Variants in ESRRG observed in about 807,000 individuals in gnomAD.
The protein encoded by ESRRG is estrogen related receptor gamma, also known as estrogen-related receptor gamma.
A neutral mutation model predicts 44.0 loss-of-function variants in ESRRG; 13 were observed. The ratio of observed to expected loss-of-function variants is 0.30; its 90% CI spans 0.19 to 0.47. The LOEUF (loss-of-function observed/expected upper bound fraction) is 0.47. ESRRG is among the 20% of genes least tolerant of loss of function. The pLI is 1.00. For missense variants in ESRRG, 395 were observed against 580.6 expected (o/e 0.68, Z 3.29); for synonymous variants, 215 against 214.6 (o/e 1.00, Z -0.02).
chr1:216,986,011 T>C (rs1437208229), intron 1 of ESRRG, among the ~76,000 whole-genome samples: 3 of 152,220 alleles, frequency 2.0e-5, no homozygotes, highest in Non-Finnish European at 4.4e-5. Flanking sequence ...GTCTAATCTT[T>C]AGGTCCCCTC....
intron 2 of ESRRG, among the ~76,000 whole-genome samples, chr1:216,814,756 A>T (rs957691743): frequency 6.6e-6 from 1 of 152,178 alleles, no homozygotes; most frequent in South Asian, 2.1e-4. Context: ...GAGCCCGTTT[A>T]AATGTCGGTG....
At chr1:216,539,200 A>G (rs1287589901) in intron 5 of ESRRG, among the ~76,000 whole-genome samples, 11 of 151,592 alleles carry the variant, frequency 7.3e-5, no homozygotes, top group Non-Finnish European at 1.5e-5. Context: ...GAGATTTTAT[A>G]TATATATATA....
At chr1:216,824,213 G>A (rs192736565) in intron 2 of ESRRG, among the ~76,000 whole-genome samples, 18 of 152,184 alleles carry the variant, frequency 1.2e-4, no homozygotes, top group East Asian at 1.9e-4. Context: ...TTGAGAGGCC[G>A]AGGCAGGCAG....
chr1:216,554,491 C>A (rs2057112275), intron 5 of ESRRG, among the ~76,000 whole-genome samples: 1 of 151,114 alleles, frequency 6.6e-6, no homozygotes, highest in East Asian at 1.9e-4. Flanking sequence ...CTCATTTGAG[C>A]TGAGTGCAGT....
At chr1:216,535,687 A>C (rs1292699357) in intron 5 of ESRRG, among the ~76,000 whole-genome samples, 1 of 151,672 alleles carries the variant, frequency 6.6e-6, no homozygotes. Flanking sequence ...GCCCCTCTCC[A>C]TTTCTTATAC....
intron 1 of ESRRG, among the ~76,000 whole-genome samples, chr1:216,946,368 G>A (rs1466134214): frequency 6.6e-6 from 1 of 152,104 alleles, no homozygotes; most frequent in Non-Finnish European, 1.5e-5. Flanking sequence ...TAACACTTCT[G>A]AAAACAAACC....
upstream of ESRRG, among the ~76,000 whole-genome samples, chr1:216,726,726 C>T (rs1409435710): frequency 6.6e-6 from 1 of 152,144 alleles, no homozygotes; most frequent in Non-Finnish European, 1.5e-5. Flanking sequence ...GCATCAGGCT[C>T]TTGGTGTATG....
intron 2 of ESRRG, among the ~76,000 whole-genome samples, chr1:216,770,390 T>C (rs2093332296): frequency 6.6e-6 from 1 of 152,168 alleles, no homozygotes; most frequent in Non-Finnish European, 1.5e-5. Context: ...TTAGCATTTA[T>C]TAATTGTTTA....
chr1:216,902,989 C>T (rs2059261775), intron 2 of ESRRG, among the ~76,000 whole-genome samples: 1 of 152,124 alleles, frequency 6.6e-6, no homozygotes, highest in African/African-American at 2.4e-5. Context: ...TATGAATGGC[C>T]TTTGTGTGAA....
At chr1:216,774,702 G>C (rs142522812) in intron 2 of ESRRG, among the ~76,000 whole-genome samples, 1 of 151,874 alleles carries the variant, frequency 6.6e-6, no homozygotes, top group African/African-American at 2.4e-5. Context: ...GATTAAAAGC[G>C]TGTGAAAACT....
chr1:216,512,008 C>G (rs904728539), intron 6 of ESRRG, among the ~76,000 whole-genome samples: 3 of 152,040 alleles, frequency 2.0e-5, no homozygotes, highest in African/African-American at 7.2e-5. Context: ...CAAATTGTAA[C>G]ACTGGTAACC....
intron 3 of ESRRG, among the ~76,000 whole-genome samples, chr1:216,630,325 A>C (rs1429102564): frequency 6.6e-6 from 1 of 152,130 alleles, no homozygotes; most frequent in Non-Finnish European, 1.5e-5. Flanking sequence ...TTCAACACAG[A>C]ATGATGACTG....
In ESRRG at chr1:216,715,039, C is replaced by T. The variant is rs902680157; in HGVS notation, c.56+8205G>A. On this transcript the variant is annotated intron_variant, in intron 1 of 6. Transcript: ENST00000408911. ...CTCACCTCCCTTTGCTGAATGACTA[C>T]GAGAGAACAGAAAAAGGCGGCCACA... The T allele has an allele frequency of 4.1e-5, 40 of 978,750 alleles. No homozygotes were observed. The South Asian group carries it at 4.7e-4, about 12-fold the overall frequency. The allele number at this position is 978,750 out of a possible 1,614,324, so 60.6% of individuals were successfully genotyped here.
intron 3 of ESRRG, among the ~76,000 whole-genome samples, chr1:216,596,805 A>G (rs1331498978): frequency 6.6e-6 from 1 of 152,192 alleles, no homozygotes. Context: ...GCATCTGTCT[A>G]CAATATGACT....
intron 5 of ESRRG, among the ~76,000 whole-genome samples, chr1:216,553,786 T>C (rs1366778572): frequency 6.6e-6 from 1 of 152,122 alleles, no homozygotes; most frequent in Admixed American, 6.6e-5. Flanking sequence ...TTACATACCT[T>C]GTATATCATT....
intron 2 of ESRRG, among the ~76,000 whole-genome samples, chr1:216,760,936 C>A (rs1397826930): frequency 1.3e-5 from 2 of 152,120 alleles, no homozygotes; most frequent in Non-Finnish European, 2.9e-5. Context: ...GCCAAGACAG[C>A]AAAGACAGGT....
chr1:216,966,827 C>A (rs1260119226), intron 1 of ESRRG, among the ~76,000 whole-genome samples: 1 of 152,118 alleles, frequency 6.6e-6, no homozygotes, highest in Non-Finnish European at 1.5e-5. Context: ...GCTGTCAAAA[C>A]CCATGCATCC....
intron 1 of ESRRG, among the ~76,000 whole-genome samples, chr1:216,702,733 C>T (rs948361847): frequency 4.0e-5 from 6 of 148,610 alleles, no homozygotes; most frequent in South Asian, 2.1e-4. Flanking sequence ...GCCGAGATCA[C>T]GCCACTGCAC....
intron 3 of ESRRG, among the ~76,000 whole-genome samples, chr1:216,635,107 A>G (rs2065030184): frequency 6.6e-6 from 1 of 152,106 alleles, no homozygotes; most frequent in Non-Finnish European, 1.5e-5. Context: ...CAGGCACAAA[A>G]CCAGCATCAA....
Sources: allele counts gnomAD v4.1 joint callset (sites outside exome capture counted in the v4.1 genomes callset), GRCh38; gene constraint gnomAD v4.1.1; transcripts MANE v1.5; gene names NCBI Gene and HGNC (gene_info 2026-07-23, HGNC 2026-07-21).